Variants in GCN1 observed in about 807,000 individuals in gnomAD.
GCN1 encodes stalled ribosome sensor GCN1.
GCN1 carries 90 observed loss-of-function variants against 288.4 expected under a neutral mutation model. The observed-to-expected ratio is 0.31, with a 90% CI of 0.26 to 0.37. GCN1 has a LOEUF of 0.37. Ranked by LOEUF, GCN1 falls within the 10% of genes least tolerant of loss-of-function variation. The probability of loss-of-function intolerance (pLI) is 1.00; values close to 1 mark genes in which losing one functional copy is unlikely to be tolerated. For missense variants in GCN1, 2,586 were observed against 3,419.9 expected, an observed-to-expected ratio of 0.76 and a Z score of 6.08; for synonymous variants, 1,386 against 1,420.2, an observed-to-expected ratio of 0.98 and a Z score of 0.54.
chr12:120,134,818 C>A lies in GCN1; in HGVS notation c.7009-92G>T, dbSNP rs567980120. 1 of 1,077,566 alleles carries A rather than the reference C, an allele frequency of 9.3e-7. No individual in the cohort carries two copies. Among genetic ancestry groups the A allele is most frequent in the East Asian group, 2.4e-5 (1 of 41,740 alleles). 66.8% of individuals were successfully genotyped at this position (1,077,566 alleles called of 1,614,324 possible). The stretch of plus-strand genomic sequence containing the variant: ...CATGAGAACAAATGACAATCCCAAA[C>A]CACCACAGCGAGTCCAGCTCTCATA... On this transcript the variant is annotated intron_variant, in intron 51 of 57. Coordinates refer to ENST00000300648, the MANE Select transcript of GCN1 (RefSeq NM_006836.2). The surrounding 1 kb of genome is among the most constrained non-coding windows in gnomAD (Gnocchi z 5.0).
intron 37 of GCN1, 128 bp from the exon 38 acceptor site, chr12:120,147,400 A>G (rs1203795056): frequency 2.2e-6 from 1 of 460,900 alleles, no homozygotes; most frequent in East Asian, 3.2e-5. Context: ...AAACCCCACA[A>G]GTCACCAGCT....
At chr12:120,162,765 C>T in intron 20 of GCN1, 82 bp downstream of exon 20, 2 of 1,461,712 alleles carry the variant, frequency 1.4e-6, no homozygotes, top group Non-Finnish European at 1.9e-6. Flanking sequence ...TCACCTGCTT[C>T]TTTGAATCCT....
At chr12:120,157,154 C>T (rs904001549) in intron 26 of GCN1, 162 bp from the exon 27 acceptor site, 26 of 550,170 alleles carry the variant, frequency 4.7e-5, no homozygotes, top group Non-Finnish European at 7.8e-5. Context: ...TCCACAGGTG[C>T]TAACCCCAGT....
At chr12:120,168,127 G>T in intron 16 of GCN1, 81 bp downstream of exon 16, 1 of 887,386 alleles carries the variant, frequency 1.1e-6, no homozygotes, top group Non-Finnish European at 1.9e-6. Flanking sequence ...TGACTGGTTG[G>T]TCAAGAAAGG....
chr12:120,169,233 C>T (rs7295918), intron 15 of GCN1, among the ~76,000 whole-genome samples: 37,275 of 141,294 alleles, frequency 0.26, 6,358 homozygotes, highest in East Asian at 0.59. Context: ...GTCGAGATCG[C>T]GCCACTGCAC....
At position 120,149,976 on chromosome 12, in the gene GCN1, G is replaced by A. The variant is rs145122247; in HGVS notation, c.4377C>T (p.His1459=). 1,032 of 1,614,050 alleles carry A rather than the reference G, an allele frequency of 6.4e-4. 8 individuals carry two copies. In the African/African-American group the frequency reaches 0.012, roughly 19 times the overall value. The part of the protein sequence containing the change: ...LGKLFEPYVV[H]VLPHLLLCFG... ...AGCACAGGAGCAGATGGGGCAGCAC[G>A]TGAACCACATACGGCTCAAAAAGTT... Residue 1459 remains histidine (H), a synonymous_variant, in exon 35 of 58, where the codon CAC becomes CAT. Coordinates refer to ENST00000300648, the MANE Select transcript of GCN1 (RefSeq NM_006836.2).
intron 1 of GCN1, among the ~76,000 whole-genome samples, chr12:120,192,600 C>T (rs1341312548): frequency 2.0e-5 from 3 of 151,960 alleles, no homozygotes; most frequent in African/African-American, 4.8e-5. Context: ...GGCGTGGTGC[C>T]GGGTGCCTGT....
intron 38 of GCN1, among the ~76,000 whole-genome samples, chr12:120,146,793 A>G (rs1056472916): frequency 2.0e-5 from 3 of 152,208 alleles, no homozygotes; most frequent in Non-Finnish European, 2.9e-5. Context: ...AGTGGCAAGC[A>G]CTTCAACACT....
At position 120,148,302 on chromosome 12, in the gene GCN1, G is replaced by A; in HGVS notation, c.4591C>T (p.Gln1531Ter). The A allele has an allele frequency of 1.2e-6, 2 of 1,614,084 alleles. No individual in the cohort carries two copies. The highest frequency in any genetic ancestry group is 1.7e-6 in the Non-Finnish European group (2 of 1,179,962). ...LGAMAYCAPK[Q>*]LSSCLPNIVP... ...ATGTTGGGTAGACAGGATGACAGCTGCTTAGGAGCACAGTACGCCATTGCC... is the reference window on the plus strand; with the variant it reads ...ATGTTGGGTAGACAGGATGACAGCTACTTAGGAGCACAGTACGCCATTGCC... The change falls in exon 37 of 58, where the codon CAG becomes TAG. Residue 1531 changes from glutamine (Q) to a stop codon, truncating the protein, a stop_gained. Coordinates refer to ENST00000300648, the MANE Select transcript of GCN1 (RefSeq NM_006836.2). LOFTEE classifies it high-confidence loss of function.
chr12:120,167,845 T>TA (rs1878182229), intron 16 of GCN1, among the ~76,000 whole-genome samples: 1 of 152,104 alleles, frequency 6.6e-6, no homozygotes, highest in South Asian at 2.1e-4. Context: ...TAGAAACCAG[T>TA]AGTTTTTGTG....
At chr12:120,135,512 C>T (rs555994863) in intron 51 of GCN1, among the ~76,000 whole-genome samples, 1,784 of 152,100 alleles carry the variant, frequency 0.012, 13 homozygotes, top group Non-Finnish European at 0.017. Flanking sequence ...TACAGGCACC[C>T]GCCACAATGC....
chr12:120,133,764 T>C (rs1433313973), intron 53 of GCN1, among the ~76,000 whole-genome samples: 1 of 152,328 alleles, frequency 6.6e-6, no homozygotes, highest in East Asian at 1.9e-4. Flanking sequence ...CTTACTTGCC[T>C]CATCTATAAA....
At chr12:120,160,387 C>T in intron 22 of GCN1, 132 bp from the exon 23 acceptor site, 1 of 646,146 alleles carries the variant, frequency 1.5e-6, no homozygotes, top group South Asian at 1.8e-5. Context: ...CCCCTGAACC[C>T]ACCATGTGCA....
Position 120,130,735 on chromosome 12 carries a change from C to T in GCN1, c.7582G>A (p.Gly2528Arg), listed in dbSNP as rs199818602. The T allele has an allele frequency of 1.9e-6, 3 of 1,613,098 alleles. No homozygotes were observed. The highest frequency in any genetic ancestry group is 1.7e-5 in the Admixed American group (1 of 59,994). The change falls in exon 56 of 58, where the codon GGG (glycine) becomes AGG (arginine). Residue 2528 changes from glycine to arginine, a missense_variant. This residue lies in a region of GCN1 where 355 missense variants were observed against 431.1 expected (regional missense o/e 0.82). Transcript: ENST00000300648. ...TADRIPIAVS[G>R]VRGMGFLMRH... ...ATGAGAAAGCCCATGCCCCGGACCC[C>T]GCTCACCGCAATGGGGATCTGTGGA...
At chr12:120,179,039 C>T in intron 5 of GCN1, 89 bp from the exon 6 acceptor site, 2 of 1,050,366 alleles carry the variant, frequency 1.9e-6, no homozygotes, top group Non-Finnish European at 2.8e-6. Context: ...CTCCATCAGA[C>T]CCTCCAAATC....
intron 42 of GCN1, among the ~76,000 whole-genome samples, chr12:120,143,622 G>C (rs1009829548): frequency 6.6e-6 from 1 of 151,304 alleles, no homozygotes; most frequent in Non-Finnish European, 1.5e-5. Flanking sequence ...GTATGAATGT[G>C]CTATATTTTT....
At chr12:120,164,750 T>C in intron 16 of GCN1, 29 bp from the exon 17 acceptor site, 1 of 1,500,344 alleles carries the variant, frequency 6.7e-7, no homozygotes, top group Non-Finnish European at 9.3e-7. Context: ...AATGGAAGTG[T>C]TTTTAAAATA....
rs538790402 is a variant in GCN1, at chr12:120,134,175, G to A, written c.7317+116C>T. 1.1e-4 allele frequency: 74 copies of A among 672,072 alleles called. No individual in the cohort carries two copies. The East Asian group carries it at 1.8e-3, about 16-fold the overall frequency. The allele number at this position is 672,072 out of a possible 1,614,324, so 41.6% of individuals were successfully genotyped here. On this transcript the variant is annotated intron_variant, in intron 53 of 57. Coordinates refer to ENST00000300648, the MANE Select transcript of GCN1 (RefSeq NM_006836.2). The surrounding 1 kb of genome is among the most constrained non-coding windows in gnomAD (Gnocchi z 5.0). ...GCATACAGGGTGATAGAAATGTCAG[G>A]AATGCTTATTACTACTGAGCTGTAC...
At chr12:120,139,085 G>A (rs529456458) in intron 45 of GCN1, 34 of 355,480 alleles carry the variant, frequency 9.6e-5, no homozygotes, top group South Asian at 6.8e-4. Context: ...CAAGGTGGGC[G>A]GATGACTTGA....
Sources: allele counts gnomAD v4.1 joint callset (sites outside exome capture counted in the v4.1 genomes callset), GRCh38; gene constraint gnomAD v4.1.1; regional missense constraint gnomAD v4.1.1; non-coding constraint Gnocchi (gnomAD v3.1); transcripts MANE v1.5; gene names NCBI Gene and HGNC (gene_info 2026-07-23, HGNC 2026-07-21).